Variants in ZFAT observed in about 807,000 individuals in gnomAD.
ZFAT encodes the protein zinc finger protein ZFAT.
ZFAT carries 64 observed loss-of-function variants against 117.7 expected under a neutral mutation model. That is an observed-to-expected ratio of 0.54 (90% CI 0.44 to 0.67). The LOEUF (loss-of-function observed/expected upper bound fraction) is 0.67. Among genes scored for constraint, ZFAT ranks in the 30% least tolerant of loss-of-function variants. The pLI, the probability that ZFAT is intolerant of heterozygous loss-of-function variation, is 0.00. For synonymous variants in ZFAT, 679 were observed against 615.0 expected (o/e 1.10, Z -1.54); for missense variants, 1,433 against 1,584.5 (o/e 0.90, Z 1.62).
chr8:134,603,641 T>G (rs966369411), intron 5 of ZFAT, among the ~76,000 whole-genome samples: 2 of 152,216 alleles, frequency 1.3e-5, no homozygotes, highest in Admixed American at 1.3e-4. Context: ...GTTTGATTGG[T>G]GACTTCAGAG....
chr8:134,778,111 G>A, the ZFAT span, among the ~76,000 whole-genome samples: 2 of 152,274 alleles, frequency 1.3e-5, no homozygotes, highest in Non-Finnish European at 2.9e-5. Context: ...CAGCTAAAAT[G>A]TTTCTATAAC....
chr8:134,667,458 A>T (rs1251938690), intron 1 of ZFAT, among the ~76,000 whole-genome samples: 1 of 143,072 alleles, frequency 7.0e-6, no homozygotes, highest in Admixed American at 7.4e-5. Flanking sequence ...GCACCACTGC[A>T]CTCCAGCCTG....
At chr8:134,481,990 C>T (rs760090412) in intron 15 of ZFAT, among the ~76,000 whole-genome samples, 18 of 152,220 alleles carry the variant, frequency 1.2e-4, no homozygotes, top group Non-Finnish European at 2.5e-4. Flanking sequence ...CATTTTCACT[C>T]TTCCAGAGCG....
intron 3 of ZFAT, among the ~76,000 whole-genome samples, chr8:134,631,575 G>A (rs1313811588): frequency 6.6e-6 from 1 of 152,240 alleles, no homozygotes; most frequent in African/African-American, 2.4e-5. Flanking sequence ...CACATACTGT[G>A]TGAGTCCATT....
chr8:134,781,087 G>T, the ZFAT span, among the ~76,000 whole-genome samples: 3 of 152,008 alleles, frequency 2.0e-5, no homozygotes, highest in African/African-American at 7.3e-5. Context: ...AATGCAGGTA[G>T]GGAAGGTATC....
chr8:134,509,973 A>G (rs775576774), intron 14 of ZFAT: 1 of 572,816 alleles, frequency 1.7e-6, no homozygotes, highest in Non-Finnish European at 3.2e-6. Context: ...CCCTGTGAGG[A>G]TGGGACATTG....
intron 10 of ZFAT, among the ~76,000 whole-genome samples, chr8:134,583,567 T>C (rs1052112981): frequency 7.2e-5 from 11 of 152,080 alleles, no homozygotes; most frequent in African/African-American, 2.7e-4. Context: ...GACACCTCCT[T>C]TCCTGAAGCA....
the ZFAT span, among the ~76,000 whole-genome samples, chr8:134,760,292 A>AC: frequency 7.6e-6 from 1 of 131,406 alleles, no homozygotes; most frequent in African/African-American, 2.6e-5. Flanking sequence ...AAAAAAACAA[A>AC]CAAAAAACAA....
At chr8:134,673,507 T>G (rs1327660602) in intron 1 of ZFAT, 2 of 216,210 alleles carry the variant, frequency 9.3e-6, no homozygotes, top group Non-Finnish European at 2.1e-5. Context: ...CCAAGTCACT[T>G]CAGCCATAAA....
intron 11 of ZFAT, 43 bp downstream of exon 11, chr8:134,565,290 T>G (rs6988653): frequency 0.26 from 416,757 of 1,609,000 alleles, 57,823 homozygotes; most frequent in East Asian, 0.52. Flanking sequence ...AAGCAACGCC[T>G]TTTTTGTCTG....
chr8:134,781,565 TTTTTTA>T, the ZFAT span, among the ~76,000 whole-genome samples: 1,046 of 152,304 alleles, frequency 6.9e-3, 10 homozygotes, highest in African/African-American at 0.024. Context: ...TAACCAAGAT[TTTTTTA>T]TTTTTAAGAA....
intron 1 of ZFAT, among the ~76,000 whole-genome samples, chr8:134,670,762 C>A (rs1832520781): frequency 6.6e-6 from 1 of 152,162 alleles, no homozygotes; most frequent in African/African-American, 2.4e-5. Context: ...CAGAGAAGAA[C>A]TGAAGGAGAT....
At chr8:134,818,306 C>T in the ZFAT span, among the ~76,000 whole-genome samples, 5 of 151,918 alleles carry the variant, frequency 3.3e-5, no homozygotes, top group African/African-American at 4.8e-5. Context: ...ATTTTTTTAA[C>T]GGGTAAAAGA....
chr8:134,596,187 T>A (rs1353956298), intron 7 of ZFAT, among the ~76,000 whole-genome samples: 1 of 152,170 alleles, frequency 6.6e-6, no homozygotes, highest in Non-Finnish European at 1.5e-5. Context: ...TGGACATCCA[T>A]AAGGCACTTT....
At chr8:134,682,506 T>A (rs1833117955) in intron 1 of ZFAT, among the ~76,000 whole-genome samples, 1 of 151,980 alleles carries the variant, frequency 6.6e-6, no homozygotes, top group Non-Finnish European at 1.5e-5. Flanking sequence ...ATACAAAAAA[T>A]TAGCCGGGTG....
At chr8:134,752,432 G>A in the ZFAT span, among the ~76,000 whole-genome samples, 11 of 152,078 alleles carry the variant, frequency 7.2e-5, no homozygotes, top group South Asian at 2.1e-4. Flanking sequence ...TCTATTGACT[G>A]TTATTGTTCT....
the ZFAT span, chr8:134,793,534 G>A: frequency 6.6e-6 from 1 of 152,190 alleles, no homozygotes; most frequent in Non-Finnish European, 1.5e-5. Context: ...GCATTAATTA[G>A]ATTCTTGTAA....
the ZFAT span, among the ~76,000 whole-genome samples, chr8:134,798,790 A>T: frequency 1.3e-5 from 2 of 152,164 alleles, no homozygotes; most frequent in African/African-American, 4.8e-5. Context: ...GCTATTTTGT[A>T]GCCTAAACCA....
intron 3 of ZFAT, among the ~76,000 whole-genome samples, chr8:134,626,567 T>C (rs1586843365): frequency 6.6e-6 from 1 of 152,190 alleles, no homozygotes; most frequent in South Asian, 2.1e-4. Flanking sequence ...CTGGGGCAGG[T>C]GAGCTTCACA....
Sources: allele counts gnomAD v4.1 joint callset (sites outside exome capture counted in the v4.1 genomes callset), GRCh38; gene constraint gnomAD v4.1.1; transcripts MANE v1.5; gene names NCBI Gene and HGNC (gene_info 2026-07-23, HGNC 2026-07-21).